The following CCDC93 variants were observed in gnomAD, a reference collection of about 807,000 sequenced individuals.
The protein encoded by CCDC93 is coiled-coil domain-containing protein 93.
CCDC93 carries 61 observed loss-of-function variants against 108.2 expected under a neutral mutation model. The ratio of observed to expected loss-of-function variants is 0.56; its 90% confidence interval spans 0.46 to 0.70. The LOEUF (loss-of-function observed/expected upper bound fraction) is 0.70, where lower values mean the gene tolerates loss of function less well. Among genes scored for constraint, CCDC93 ranks in the 30% least tolerant of loss-of-function variants. The pLI, the probability that CCDC93 is intolerant of heterozygous loss-of-function variation, is 0.00. For missense variants in CCDC93, 685 were observed against 764.2 expected (o/e 0.90, Z 1.22); for synonymous variants, 276 against 260.4 (o/e 1.06, Z -0.58).
chr2:117,960,224 T>G (rs1679343613), intron 11 of CCDC93, among the ~76,000 whole-genome samples: 1 of 152,250 alleles, frequency 6.6e-6, no homozygotes, highest in African/African-American at 2.4e-5. Context: ...TTCATGCTTT[T>G]CTGATACCTG....
intron 4 of CCDC93, chr2:117,999,619 A>C (rs1394230954): frequency 6.6e-6 from 1 of 152,198 alleles, no homozygotes; most frequent in Admixed American, 6.5e-5. Context: ...TCTGTGGTGG[A>C]TGGGTTCCAG....
Position 117,946,767 on chromosome 2 carries a change from G to A in CCDC93, c.1296+44C>T, listed in dbSNP as rs115585921. On this transcript the variant is annotated intron_variant, in intron 16 of 23. Transcript: ENST00000376300. ...GGTCCTCTAGAACTATCTTTTTCCC[G>A]TAATAGCACCTGAGAGTCTCAAGGA... 2,648 of 1,386,710 alleles carry A rather than the reference G, an allele frequency of 1.9e-3. 3 individuals are homozygous for A. The highest frequency in any genetic ancestry group is 2.2e-3 in the Non-Finnish European group (2,175 of 974,894). 85.9% of individuals were successfully genotyped at this position (1,386,710 alleles called of 1,614,324 possible).
intron 7 of CCDC93, among the ~76,000 whole-genome samples, chr2:117,984,876 G>A (rs1252458930): frequency 6.6e-6 from 1 of 152,116 alleles, no homozygotes; most frequent in African/African-American, 2.4e-5. Context: ...CTAGCACAGG[G>A]CCCCATGCTT....
chr2:117,995,400 G>A (rs760647585), intron 6 of CCDC93, 46 bp downstream of exon 6: 1 of 1,422,394 alleles, frequency 7.0e-7, no homozygotes, highest in South Asian at 1.2e-5. Context: ...AGGGCTATCT[G>A]AGGCTACGCA....
intron 12 of CCDC93, among the ~76,000 whole-genome samples, chr2:117,957,225 T>A (rs1679249916): frequency 2.6e-5 from 4 of 152,180 alleles, no homozygotes; most frequent in Admixed American, 2.6e-4. Flanking sequence ...CTACGTGTAT[T>A]CTTCTAATCT....
In CCDC93 at chr2:118,014,042, C is replaced by A. The variant is rs1288620751; in HGVS notation, c.-47G>T. Reference sequence around the variant, plus strand: ...GGCGAGAGCGAAGCCCGCCAAGCGTCCGGAGGAAGCTGTCCCTGCCGCGGA... The same window carrying A: ...GGCGAGAGCGAAGCCCGCCAAGCGTACGGAGGAAGCTGTCCCTGCCGCGGA... On this transcript the variant is annotated 5_prime_UTR_variant, in exon 1 of 24. Transcript: ENST00000376300. The A allele has an allele frequency of 3.2e-6, 5 of 1,576,906 alleles. No individual in the cohort carries two copies. Among genetic ancestry groups the A allele is most frequent in the Non-Finnish European group, 4.3e-6 (5 of 1,162,344 alleles).
chr2:117,928,344 A>G (rs1429712624), intron 23 of CCDC93, among the ~76,000 whole-genome samples: 1 of 151,994 alleles, frequency 6.6e-6, no homozygotes, highest in Non-Finnish European at 1.5e-5. Flanking sequence ...ATGGGAGAAA[A>G]TTTTTGCAAT....
At chr2:117,996,236 G>C in intron 5 of CCDC93, 28 bp downstream of exon 5, 1 of 1,459,876 alleles carries the variant, frequency 6.8e-7, no homozygotes, top group Non-Finnish European at 9.6e-7. Flanking sequence ...TTCTCAGTGG[G>C]ACAAGAAAAT....
At chr2:118,003,376 A>G (rs545748899) in intron 3 of CCDC93, among the ~76,000 whole-genome samples, 10 of 152,310 alleles carry the variant, frequency 6.6e-5, no homozygotes, top group African/African-American at 1.9e-4. Flanking sequence ...TTCAACTGGT[A>G]CTGCTGCCTA....
chr2:117,943,275 G>C, intron 18 of CCDC93, among the ~76,000 whole-genome samples: 1 of 152,222 alleles, frequency 6.6e-6, no homozygotes, highest in East Asian at 1.9e-4. Context: ...CTATTTATTA[G>C]TTATGGGACC....
At chr2:117,953,378 T>C (rs1679119506) in intron 12 of CCDC93, among the ~76,000 whole-genome samples, 1 of 152,128 alleles carries the variant, frequency 6.6e-6, no homozygotes, top group Non-Finnish European at 1.5e-5. Context: ...AGCAATGTGA[T>C]AAAGGAGAGA....
chr2:118,009,326 G>A lies in CCDC93; in HGVS notation c.43-668C>T, dbSNP rs180889903. 5.1e-4 allele frequency among the ~76,000 whole-genome samples: 77 copies of A among 152,162 alleles called. No individual in the cohort carries two copies. The East Asian group carries it at 0.013, about 26-fold the overall frequency. ...ACAGAAGTTGCAGTGAGCCAAGATCGTACCACCGTACTCCAGCCTGGACGA... is the reference window on the plus strand; with the variant it reads ...ACAGAAGTTGCAGTGAGCCAAGATCATACCACCGTACTCCAGCCTGGACGA... On this transcript the variant is annotated intron_variant, in intron 1 of 23. Coordinates refer to ENST00000376300, the MANE Select transcript of CCDC93 (RefSeq NM_019044.5).
intron 11 of CCDC93, among the ~76,000 whole-genome samples, chr2:117,961,426 G>A (rs1241989699): frequency 6.6e-6 from 1 of 152,116 alleles, no homozygotes; most frequent in African/African-American, 2.4e-5. Flanking sequence ...AAGTTCCTCT[G>A]TTTGCCTCTG....
rs1680617362 is a variant in CCDC93 at position 117,995,516 on chromosome 2, C to T, written c.463-14G>A. ...GAAGTCATCATCCTACAAGACAAAA[C>T]AGAGCGATTAAACAAATCCCAAGGG... On this transcript the variant is annotated splice_polypyrimidine_tract_variant and intron_variant, in intron 5 of 23. Transcript: ENST00000376300. The T allele has an allele frequency of 6.2e-7, 1 of 1,608,954 alleles. No individual in the cohort carries two copies. Among genetic ancestry groups the T allele is most frequent in the Non-Finnish European group, 8.5e-7 (1 of 1,175,322 alleles).
chr2:117,930,673 C>T (rs1014352043), intron 23 of CCDC93: 1 of 162,710 alleles, frequency 6.1e-6, no homozygotes, highest in African/African-American at 2.4e-5. Flanking sequence ...CTTGAGGTCC[C>T]TCCCCACCCT....
intron 23 of CCDC93, 32 bp downstream of exon 23, chr2:117,931,005 A>C (rs1678307087): frequency 2.1e-6 from 3 of 1,403,578 alleles, no homozygotes; most frequent in Admixed American, 1.9e-5. Flanking sequence ...ATCTCACGTT[A>C]GCCTTAATGT....
At chr2:117,987,034 TAAAA>T (rs34625797) in intron 6 of CCDC93, among the ~76,000 whole-genome samples, 3 of 127,734 alleles carry the variant, frequency 2.3e-5, no homozygotes, top group Non-Finnish European at 4.9e-5. Context: ...ATTCTTCTAT[TAAAA>T]AAAAAAAAAA....
chr2:117,952,774 C>G (rs1433540455), intron 12 of CCDC93, among the ~76,000 whole-genome samples: 1 of 152,176 alleles, frequency 6.6e-6, no homozygotes, highest in Non-Finnish European at 1.5e-5. Context: ...ACTGATGAGG[C>G]CCAGATCCAA....
At position 118,008,518 on chromosome 2, in the gene CCDC93, G is replaced by A. The variant is rs1676937779; in HGVS notation, c.156+27C>T. On this transcript the variant is annotated intron_variant, in intron 2 of 23. Transcript: ENST00000376300. ...CCATGTCATTCTGACAAAAGATAGT[G>A]TAATGGTTAGAAAGATTTCCCCTTA... 5 of 1,251,980 alleles carry A rather than the reference G, an allele frequency of 4.0e-6. No homozygotes were observed. The South Asian group carries it at 6.2e-5, about 16-fold the overall frequency. The allele number at this position is 1,251,980 out of a possible 1,614,324, so 77.6% of individuals were successfully genotyped here.
Sources: allele counts gnomAD v4.1 joint callset (sites outside exome capture counted in the v4.1 genomes callset), GRCh38; gene constraint gnomAD v4.1.1; transcripts MANE v1.5; gene names NCBI Gene and HGNC (gene_info 2026-07-23, HGNC 2026-07-21).